The following NALCN variants were observed in gnomAD, a reference collection of about 807,000 sequenced individuals.
NALCN encodes sodium leak channel NALCN.
In NALCN, 111 loss-of-function variants were observed where a neutral mutation model predicts 225.3. The observed-to-expected ratio is 0.49, with a 90% CI of 0.42 to 0.58. The LOEUF (loss-of-function observed/expected upper bound fraction) is 0.58. Among genes scored for constraint, NALCN ranks in the 20% least tolerant of loss-of-function variants. The pLI is 0.00. For missense variants in NALCN, 1,378 were observed against 2,202.4 expected (o/e 0.63, Z 7.49); for synonymous variants, 764 against 769.0 (o/e 0.99, Z 0.11).
chr13:101,192,121 G>T, intron 13 of NALCN, 67 bp from the exon 14 acceptor site: 2 of 1,529,316 alleles, frequency 1.3e-6, no homozygotes, highest in Non-Finnish European at 1.8e-6. Context: ...AAATTAGCAT[G>T]TGATGTTTGA....
chr13:101,235,539 T>C (rs771488834), intron 12 of NALCN, among the ~76,000 whole-genome samples: 1 of 152,222 alleles, frequency 6.6e-6, no homozygotes, highest in Non-Finnish European at 1.5e-5. Flanking sequence ...TAGAGAGCAG[T>C]GCACAAGAGC....
chr13:101,258,258 C>T (rs1341681468), intron 11 of NALCN, among the ~76,000 whole-genome samples, 185 bp downstream of exon 11: 1 of 152,204 alleles, frequency 6.6e-6, no homozygotes, highest in Non-Finnish European at 1.5e-5. Context: ...CTCAGGCCCG[C>T]GGTGACAGGA....
intron 9 of NALCN, among the ~76,000 whole-genome samples, chr13:101,287,558 T>C (rs1015027880): frequency 2.0e-5 from 3 of 152,154 alleles, no homozygotes; most frequent in South Asian, 2.1e-4. Flanking sequence ...ATTATGAAAA[T>C]TAAATAAGAC....
chr13:101,379,657 G>T (rs191157792), intron 3 of NALCN, among the ~76,000 whole-genome samples: 2 of 152,190 alleles, frequency 1.3e-5, no homozygotes, highest in East Asian at 3.9e-4. Context: ...ATAAGTGGGA[G>T]TCGAACAATG....
At chr13:101,345,737 A>AATATAT (rs10560892) in intron 6 of NALCN, among the ~76,000 whole-genome samples, 3,048 of 86,502 alleles carry the variant, frequency 0.035, 100 homozygotes, top group Non-Finnish European at 0.043. Context: ...CAGCAAAGAG[A>AATATAT]ATATATATAT....
At chr13:101,415,786 C>G (rs1166321378) in intron 1 of NALCN, among the ~76,000 whole-genome samples, 4 of 152,214 alleles carry the variant, frequency 2.6e-5, no homozygotes, top group Admixed American at 2.6e-4. Flanking sequence ...CCGCGGAGAC[C>G]TGCTGGAGCC....
At chr13:101,345,196 T>C in intron 7 of NALCN, 70 bp downstream of exon 7, 7 of 1,460,408 alleles carry the variant, frequency 4.8e-6, no homozygotes, top group Non-Finnish European at 5.6e-6. Context: ...ATCAATTATT[T>C]AATTATTCTG....
At chr13:101,361,747 A>G (rs779483413) in intron 6 of NALCN, among the ~76,000 whole-genome samples, 3 of 152,226 alleles carry the variant, frequency 2.0e-5, no homozygotes, top group Admixed American at 6.5e-5. Context: ...GCAATTGTTC[A>G]ATAAAAGTTA....
At chr13:101,315,748 A>T (rs1041120722) in intron 7 of NALCN, among the ~76,000 whole-genome samples, 1 of 152,212 alleles carries the variant, frequency 6.6e-6, no homozygotes, top group African/African-American at 2.4e-5. Flanking sequence ...TTTCTTAAAT[A>T]TAGTAAACAC....
At chr13:101,248,881 C>A (rs993574372) in intron 11 of NALCN, among the ~76,000 whole-genome samples, 1 of 152,100 alleles carries the variant, frequency 6.6e-6, no homozygotes, top group Non-Finnish European at 1.5e-5. Context: ...CTAGTGGAAA[C>A]CCCCGAGTTT....
At chr13:101,100,920 T>G (rs753780626) in intron 26 of NALCN, 32 bp from the exon 27 acceptor site, 69 of 1,551,350 alleles carry the variant, frequency 4.4e-5, no homozygotes, top group Non-Finnish European at 5.7e-5. Flanking sequence ...TTAAATCTCT[T>G]GTTAAAGACT....
chr13:101,209,220 A>C (rs1216967119), intron 13 of NALCN, among the ~76,000 whole-genome samples: 1 of 152,168 alleles, frequency 6.6e-6, no homozygotes. Context: ...AGGCTCTTGT[A>C]AACTCTCACA....
chr13:101,275,508 T>G (rs564503121), intron 10 of NALCN, among the ~76,000 whole-genome samples: 2 of 152,212 alleles, frequency 1.3e-5, no homozygotes, highest in African/African-American at 4.8e-5. Context: ...CCATTTTCCA[T>G]AAACGTGTCC....
At chr13:101,185,695 A>C (rs906394295) in intron 14 of NALCN, among the ~76,000 whole-genome samples, 1 of 152,220 alleles carries the variant, frequency 6.6e-6, no homozygotes, top group Non-Finnish European at 1.5e-5. Flanking sequence ...TTGTGGGCTG[A>C]AAATTGGTGC....
At chr13:101,200,397 C>T (rs1202367290) in intron 13 of NALCN, among the ~76,000 whole-genome samples, 1 of 152,140 alleles carries the variant, frequency 6.6e-6, no homozygotes, top group Non-Finnish European at 1.5e-5. Context: ...TGCATTTGTC[C>T]CTGATCTTCC....
intron 27 of NALCN, among the ~76,000 whole-genome samples, chr13:101,098,002 T>G (rs1398885489): frequency 6.6e-6 from 1 of 152,146 alleles, no homozygotes; most frequent in African/African-American, 2.4e-5. Context: ...CCATCACCTC[T>G]CCTGAAGTAG....
intron 13 of NALCN, among the ~76,000 whole-genome samples, chr13:101,220,304 T>C (rs2040888582): frequency 1.3e-5 from 2 of 152,178 alleles, no homozygotes; most frequent in Admixed American, 1.3e-4. Context: ...CTGGATAATG[T>C]CTAGAGAAGG....
At chr13:101,360,511 G>A (rs1366639365) in intron 6 of NALCN, among the ~76,000 whole-genome samples, 2 of 152,066 alleles carry the variant, frequency 1.3e-5, no homozygotes. Flanking sequence ...GGGATTACAG[G>A]CATGAGCCAC....
intron 15 of NALCN, among the ~76,000 whole-genome samples, chr13:101,145,850 TGCC>T (rs1264021764): frequency 1.3e-5 from 2 of 152,320 alleles, no homozygotes; most frequent in Admixed American, 6.5e-5. Context: ...TAATTCAGGC[TGCC>T]TTTTTGGAGG....
Sources: gnomAD v4.1 joint callset for allele counts (sites outside exome capture counted in the v4.1 genomes callset) on GRCh38, gnomAD v4.1.1 for gene constraint, MANE v1.5 for transcripts, NCBI Gene and HGNC (gene_info 2026-07-23, HGNC 2026-07-21) for gene names.